Variants in EEF1D observed in about 807,000 individuals in gnomAD.
The protein encoded by EEF1D is eukaryotic translation elongation factor 1 delta.
EEF1D carries 47 observed loss-of-function variants against 63.9 expected under a neutral mutation model. The observed-to-expected ratio is 0.74, with a 90% CI of 0.58 to 0.94. The LOEUF (loss-of-function observed/expected upper bound fraction) is 0.94. EEF1D is among the 40% of genes least tolerant of loss of function. The pLI, the probability that EEF1D is intolerant of heterozygous loss-of-function variation, is 0.00. For synonymous variants in EEF1D, 412 were observed against 386.1 expected (o/e 1.07, Z -0.79); for missense variants, 907 against 899.0 (o/e 1.01, Z -0.11).
At chr8:143,581,392 T>C (rs542488602) in intron 5 of EEF1D, 64 bp from the exon 6 acceptor site, 3 of 1,461,126 alleles carry the variant, frequency 2.1e-6, no homozygotes, top group African/African-American at 1.4e-5. Context: ...CCTGCCATGC[T>C]CAGGACTGCA....
At position 143,586,199 on chromosome 8, in the gene EEF1D, C is replaced by T. The variant is rs202158398; in HGVS notation, c.1287+20G>A. The T allele has an allele frequency of 1.4e-3, 2,174 of 1,600,038 alleles. 4 individuals carry two copies. Among genetic ancestry groups the T allele is most frequent in the Middle Eastern group, 0.011 (50 of 4,376 alleles). On this transcript the variant is annotated intron_variant, in intron 5 of 9. Coordinates refer to ENST00000618139, the MANE Select transcript of EEF1D (RefSeq NM_001130053.5). ...TTGGCCGAGCAGGAGCCCGCAGGTC[C>T]GTGGGCCGCGGGTACTCACTCCAGC...
rs1261047969 is a variant in EEF1D at position 143,580,746 on chromosome 8, C to G, written c.1489-19G>C. The G allele has an allele frequency of 6.2e-7, 1 of 1,610,966 alleles. No individual in the cohort carries two copies. The highest frequency in any genetic ancestry group is 8.5e-7 in the Non-Finnish European group (1 of 1,179,840). ...ATACGTGCTGCCACAGGGGAAGGGA[C>G]AGGAGGCACGGCTGAGACGCCCCAA... On this transcript the variant is annotated intron_variant, in intron 7 of 9. Coordinates refer to ENST00000618139, the MANE Select transcript of EEF1D (RefSeq NM_001130053.5).
At chr8:143,590,437 G>A (rs1207799809) in intron 2 of EEF1D, 14 of 809,220 alleles carry the variant, frequency 1.7e-5, no homozygotes, top group South Asian at 1.0e-4. Context: ...AAAATTTTTC[G>A]TCATTTATCT....
At chr8:143,580,243 C>G (rs1449509636) in intron 8 of EEF1D, 37 bp from the exon 9 acceptor site, 1 of 1,597,264 alleles carries the variant, frequency 6.3e-7, no homozygotes, top group Non-Finnish European at 8.5e-7. Flanking sequence ...GGGTCAGCCA[C>G]CCTCAGAACA....
At chr8:143,582,834 C>G (rs1208269249) in intron 5 of EEF1D, 1 of 152,240 alleles carries the variant, frequency 6.6e-6, no homozygotes, top group African/African-American at 2.4e-5. Context: ...CAGAGAGCCC[C>G]TCAGGGACTT....
intron 7 of EEF1D, 161 bp downstream of exon 7, chr8:143,580,893 C>A (rs1825368955): frequency 9.8e-6 from 11 of 1,123,946 alleles, no homozygotes; most frequent in African/African-American, 1.5e-5. Context: ...AAAACTGCCT[C>A]CACCTGCCCA....
intron 1 of EEF1D, chr8:143,593,785 G>A: frequency 1.1e-6 from 1 of 905,940 alleles, no homozygotes; most frequent in Non-Finnish European, 1.3e-6. Context: ...AGCGGGCAGA[G>A]AGCCTCCCAG....
At chr8:143,592,111 G>A in intron 2 of EEF1D, 1 of 985,586 alleles carries the variant, frequency 1.0e-6, no homozygotes, top group Non-Finnish European at 1.2e-6. Flanking sequence ...GATGGGCAGA[G>A]GCAGGGGTTG....
At position 143,589,992 on chromosome 8, in the gene EEF1D, G is replaced by A. The variant is rs377595210; in HGVS notation, c.90C>T (p.His30=). The change falls in exon 3 of 10, where the codon CAC becomes CAT. Residue 30 remains histidine (H), a synonymous_variant. Transcript: ENST00000618139. ...CGGAGGCGGCCGCCTGTGTGGCCTCGTGTTCGTAGAAGCGCCGCTCGGCCT... is the reference window on the plus strand; with the variant it reads ...CGGAGGCGGCCGCCTGTGTGGCCTCATGTTCGTAGAAGCGCCGCTCGGCCT... The part of the protein sequence containing the change: ...YEEAERRFYE[H]EATQAAASAQ... The A allele has an allele frequency of 2.3e-5, 37 of 1,599,378 alleles. No individual in the cohort carries two copies. The highest frequency in any genetic ancestry group is 5.3e-5 in the African/African-American group (4 of 74,926).
At position 143,586,760 on chromosome 8, in the gene EEF1D, A is replaced by G. The variant is rs753309280; in HGVS notation, c.1184T>C (p.Met395Thr). ...DDAERRFYEQ[M>T]NGPVAGASRQ... ...GGAGGCACCTGCCACAGGCCCGTTC[A>G]TCTGCTCGTAGAATCTCCTTTCTGC... Residue 395 changes from methionine to threonine, a missense_variant, in exon 4 of 10, where the codon ATG (methionine) becomes ACG (threonine). Met to Thr is a moderately conservative substitution (Grantham distance 81). Transcript: ENST00000618139. The G allele has an allele frequency of 1.2e-5, 19 of 1,614,000 alleles. No homozygotes were observed. The East Asian group carries it at 1.6e-4, about 13-fold the overall frequency.
chr8:143,587,685 T>G (rs1587169355), intron 3 of EEF1D: 2 of 152,232 alleles, frequency 1.3e-5, no homozygotes, highest in African/African-American at 4.8e-5. Context: ...ATGAAAGCTC[T>G]TTGGGGTCCT....
chr8:143,597,291 G>T (rs1411484937), intron 1 of EEF1D, 57 bp downstream of exon 1: 1 of 152,106 alleles, frequency 6.6e-6, no homozygotes, highest in Non-Finnish European at 1.5e-5. Flanking sequence ...CGCCCTCCCG[G>T]CCCCTCGGGC....
At chr8:143,590,256 G>C (rs1323820510) in intron 2 of EEF1D, 175 bp from the exon 3 acceptor site, 10 of 993,566 alleles carry the variant, frequency 1.0e-5, no homozygotes, top group Non-Finnish European at 1.5e-5. Flanking sequence ...GGACTTCGAA[G>C]TCAAGCCCAT....
chr8:143,589,589 C>A lies in EEF1D; in HGVS notation c.493G>T (p.Val165Phe). ...GCCTGGTCGAAGGAGGACTTGTTGA[C>A]CCAGATCCCCCAGGTCACGTGGTGG... is the stretch of plus-strand genomic sequence containing the variant. ...ACHHVTWGIW[V>F]NKSSFDQAER... The change falls in exon 3 of 10, where the codon GTC (valine) becomes TTC (phenylalanine). Residue 165 changes from valine to phenylalanine, a missense_variant. Physicochemically the swap from Val to Phe is conservative, Grantham distance 50. Coordinates refer to ENST00000618139, the MANE Select transcript of EEF1D (RefSeq NM_001130053.5). 1.3e-6 allele frequency: 2 copies of A among 1,521,860 alleles called. No homozygotes were observed. The highest frequency in any genetic ancestry group is 1.8e-6 in the Non-Finnish European group (2 of 1,134,040). 94.3% of individuals were successfully genotyped at this position (1,521,860 alleles called of 1,614,324 possible).
chr8:143,592,553 G>T, intron 2 of EEF1D, 94 bp downstream of exon 2: 1 of 959,528 alleles, frequency 1.0e-6, no homozygotes, highest in Non-Finnish European at 1.2e-6. Context: ...TGGGCCATGC[G>T]CAGGTGGTGC....
Position 143,589,078 on chromosome 8 carries a change from AGGG to A in EEF1D, c.1001_1003del (p.Ala334_Leu335delinsVal). On this transcript the variant is annotated inframe_deletion, in exon 3 of 10. Transcript: ENST00000618139. Reference sequence around the variant, plus strand: ...AGCTTCGAGGCACCAGGCCACCCGCAGGGCCTCGGCAGCGTGGTGGCGGCACTC... The same window carrying A: ...AGCTTCGAGGCACCAGGCCACCCGCACCTCGGCAGCGTGGTGGCGGCACTC... 1 of 1,609,304 alleles carries A rather than the reference AGGG, an allele frequency of 6.2e-7. No homozygotes were observed. The highest frequency in any genetic ancestry group is 8.5e-7 in the Non-Finnish European group (1 of 1,179,328).
intron 2 of EEF1D, among the ~76,000 whole-genome samples, chr8:143,592,425 G>A (rs576592809): frequency 6.6e-6 from 1 of 151,880 alleles, no homozygotes; most frequent in East Asian, 2.0e-4. Context: ...CTGCTGACCC[G>A]CCAGCCCAGG....
chr8:143,597,371 CAAG>C lies in EEF1D; in HGVS notation c.-41_-39del, dbSNP rs1829029464. ...ACACGCCAGCCAAGGACGCGGCGAC[CAAG>C]GAGGAGGAATCGGCGGACGCGGGAA... On this transcript the variant is annotated 5_prime_UTR_variant, in exon 1 of 10. Transcript: ENST00000618139. The C allele has an allele frequency of 6.6e-6, 1 of 152,128 alleles. No individual in the cohort carries two copies. The highest frequency in any genetic ancestry group is 1.5e-5 in the Non-Finnish European group (1 of 68,026). The allele number at this position is 152,128 out of a possible 1,614,324, so 9.4% of individuals were successfully genotyped here. A position where few individuals can be genotyped will look rare whatever the true frequency, so the allele number is the denominator to read the frequency against.
chr8:143,589,967 C>G lies in EEF1D; in HGVS notation c.115G>C (p.Ala39Pro), dbSNP rs371315183. 1 of 1,598,592 alleles carries G rather than the reference C, an allele frequency of 6.3e-7. No homozygotes were observed. The change falls in exon 3 of 10, where the codon GCC becomes CCC. Residue 39 changes from alanine to proline, a missense_variant. Ala to Pro is a conservative substitution (Grantham distance 27, BLOSUM62 -1). Transcript: ENST00000618139. Reference protein sequence around the residue: ...EHEATQAAASAQQLPAEGPAM... With the variant: ...EHEATQAAASPQQLPAEGPAM... ...GGCCCCTCGGCTGGCAGCTGCTGGG[C>G]GGAGGCGGCCGCCTGTGTGGCCTCG...
Sources: gnomAD v4.1 joint callset for allele counts (sites outside exome capture counted in the v4.1 genomes callset) on GRCh38, gnomAD v4.1.1 for gene constraint, MANE v1.5 for transcripts, NCBI Gene and HGNC (gene_info 2026-07-23, HGNC 2026-07-21) for gene names.